CCDC85A: variants seen among roughly 807,000 people sequenced by gnomAD.
CCDC85A encodes coiled-coil domain containing 85A.
A neutral mutation model predicts 50.2 loss-of-function variants in CCDC85A; 38 were observed. The ratio of observed to expected loss-of-function variants is 0.76; its 90% confidence interval spans 0.58 to 0.99. The LOEUF (loss-of-function observed/expected upper bound fraction) is 0.99, where lower values mean the gene tolerates loss of function less well. CCDC85A is among the 50% of genes least tolerant of loss of function. The probability of loss-of-function intolerance (pLI) is 0.00; values close to 1 mark genes in which losing one functional copy is unlikely to be tolerated. For missense variants in CCDC85A, 820 were observed against 742.0 expected (o/e 1.11, Z -1.22); for synonymous variants, 366 against 301.4 (o/e 1.21, Z -2.22).
chr2:56,383,061 C>G (rs377309814), intron 5 of CCDC85A, among the ~76,000 whole-genome samples: 1 of 151,818 alleles, frequency 6.6e-6, no homozygotes, highest in African/African-American at 2.4e-5. Flanking sequence ...ATTTAAGAAC[C>G]CTAACTTCAA....
intron 3 of CCDC85A, among the ~76,000 whole-genome samples, chr2:56,365,990 A>G (rs1675772410): frequency 6.6e-6 from 1 of 152,082 alleles, no homozygotes; most frequent in Non-Finnish European, 1.5e-5. Context: ...GATTTCATAT[A>G]TGAGTACGAT....
chr2:56,291,596 A>ACT, intron 2 of CCDC85A, among the ~76,000 whole-genome samples: 1 of 152,170 alleles, frequency 6.6e-6, no homozygotes, highest in Non-Finnish European at 1.5e-5. Flanking sequence ...AGAGATCAGT[A>ACT]AGTACAAAGA....
At chr2:56,249,394 G>T (rs184064097) in intron 2 of CCDC85A, among the ~76,000 whole-genome samples, 1 of 152,360 alleles carries the variant, frequency 6.6e-6, no homozygotes, top group East Asian at 1.9e-4. Context: ...TAGAAGGCAG[G>T]GAAGCTGGTT....
intron 2 of CCDC85A, among the ~76,000 whole-genome samples, chr2:56,226,944 G>T (rs749666571): frequency 5.9e-5 from 9 of 152,132 alleles, no homozygotes; most frequent in Non-Finnish European, 1.2e-4. Flanking sequence ...GATGCATCCT[G>T]AGTAATTTCA....
chr2:56,358,729 C>G (rs931428672), intron 3 of CCDC85A, among the ~76,000 whole-genome samples: 1 of 152,024 alleles, frequency 6.6e-6, no homozygotes, highest in Non-Finnish European at 1.5e-5. Context: ...CTGCTTTACA[C>G]TAAAATAATT....
At position 56,192,597 on chromosome 2, in the gene CCDC85A, A is replaced by T; in HGVS notation, c.397A>T (p.Thr133Ser). 1 of 1,613,896 alleles carries T rather than the reference A, an allele frequency of 6.2e-7. No individual in the cohort carries two copies. Among genetic ancestry groups the T allele is most frequent in the Non-Finnish European group, 8.5e-7 (1 of 1,179,856 alleles). The change falls in exon 2 of 6, where the codon ACT (threonine) becomes TCT (serine). Residue 133 changes from threonine (T) to serine (S), a missense_variant. Thr to Ser is a moderately conservative substitution (Grantham distance 58). Transcript: ENST00000407595. This position sits in a 1 kb window ranked among gnomAD's most constrained non-coding sequence, Gnocchi z 4.7. ...SREWQRLGRY[T>S]AGVMHKEVAL... The stretch of plus-strand genomic sequence containing the variant: ...GGAGTGGCAGAGACTGGGTCGCTAC[A>T]CTGCCGGGGTGATGCACAAGGAAGT...
chr2:56,311,991 T>A (rs1672714855), intron 2 of CCDC85A, among the ~76,000 whole-genome samples: 1 of 152,144 alleles, frequency 6.6e-6, no homozygotes, highest in Non-Finnish European at 1.5e-5. Flanking sequence ...GAAGCTCAGA[T>A]AAACTGGAGG....
intron 1 of CCDC85A, among the ~76,000 whole-genome samples, chr2:56,188,193 A>G (rs927716246): frequency 1.3e-5 from 2 of 152,226 alleles, no homozygotes; most frequent in African/African-American, 4.8e-5. Flanking sequence ...CCCAAGTCTT[A>G]GTGAGGCAGA....
intron 2 of CCDC85A, among the ~76,000 whole-genome samples, chr2:56,328,154 A>G (rs1481255976): frequency 6.6e-6 from 1 of 152,126 alleles, no homozygotes; most frequent in African/African-American, 2.4e-5. Context: ...TTGAAGAGCA[A>G]GGGGTCCCAG....
intron 2 of CCDC85A, among the ~76,000 whole-genome samples, chr2:56,297,765 G>A (rs542315163): frequency 6.6e-6 from 1 of 152,292 alleles, no homozygotes; most frequent in Admixed American, 6.5e-5. Context: ...TCGGGGACTT[G>A]GATATTGGTG....
At chr2:56,236,864 T>G (rs1669038843) in intron 2 of CCDC85A, among the ~76,000 whole-genome samples, 4 of 152,120 alleles carry the variant, frequency 2.6e-5, no homozygotes, top group Admixed American at 2.6e-4. Flanking sequence ...AATACCCAAA[T>G]GATGCTGAGT....
chr2:56,369,378 G>A (rs912794973), intron 3 of CCDC85A, among the ~76,000 whole-genome samples: 1 of 152,098 alleles, frequency 6.6e-6, no homozygotes. Flanking sequence ...TGCAGATGTA[G>A]TTGTTCAAAA....
intron 2 of CCDC85A, among the ~76,000 whole-genome samples, chr2:56,243,311 GCTT>G (rs1669347866): frequency 6.6e-6 from 1 of 151,970 alleles, no homozygotes; most frequent in African/African-American, 2.4e-5. Context: ...TTGTAGGAGT[GCTT>G]CATTTTTTTT....
chr2:56,252,969 A>G (rs1669831799), intron 2 of CCDC85A, among the ~76,000 whole-genome samples: 1 of 152,112 alleles, frequency 6.6e-6, no homozygotes, highest in Non-Finnish European at 1.5e-5. Context: ...CAGTAAGCCA[A>G]GATCGCGCCA....
intron 2 of CCDC85A, among the ~76,000 whole-genome samples, chr2:56,337,220 A>G (rs1674117871): frequency 1.3e-5 from 2 of 152,236 alleles, no homozygotes; most frequent in African/African-American, 4.8e-5. Flanking sequence ...ACTTTTACAC[A>G]TAGGTTCAAA....
chr2:56,185,986 A>G (rs6545556), intron 1 of CCDC85A, among the ~76,000 whole-genome samples: 149,196 of 152,208 alleles, frequency 0.98, 73,092 homozygotes, highest in East Asian at 1. Context: ...CACATATCAG[A>G]CAGTAGATGC....
intron 3 of CCDC85A, among the ~76,000 whole-genome samples, chr2:56,362,311 G>C (rs1675567671): frequency 6.6e-6 from 1 of 152,082 alleles, no homozygotes; most frequent in Non-Finnish European, 1.5e-5. Flanking sequence ...TTTGGACATA[G>C]TCAATTTGAG....
At chr2:56,305,348 T>C (rs575753777) in intron 2 of CCDC85A, among the ~76,000 whole-genome samples, 52 of 152,318 alleles carry the variant, frequency 3.4e-4, no homozygotes, top group Non-Finnish European at 5.3e-4. Flanking sequence ...ATTATCCCCA[T>C]TTTACTGATG....
At position 56,193,090 on chromosome 2, in the gene CCDC85A, A is replaced by C; in HGVS notation, c.890A>C (p.His297Pro). ...KGSPEQQRHPHPGSSPETLPK... is the reference protein window; with the variant it reads ...KGSPEQQRHPPPGSSPETLPK... ...AGCCCCGAACAGCAAAGGCACCCGC[A>C]TCCAGGGAGCAGCCCCGAAACGCTG... Residue 297 changes from histidine (H) to proline (P), a missense_variant, in exon 2 of 6, where the codon CAT (histidine) becomes CCT (proline). His to Pro is a moderately conservative substitution (Grantham distance 77). Transcript: ENST00000407595. 2 of 1,613,744 alleles carry C rather than the reference A, an allele frequency of 1.2e-6. No homozygotes were observed. Among genetic ancestry groups the C allele is most frequent in the Middle Eastern group, 3.3e-4 (2 of 6,060 alleles).
Sources: gnomAD v4.1 joint callset for allele counts (sites outside exome capture counted in the v4.1 genomes callset) on GRCh38, gnomAD v4.1.1 for gene constraint, Gnocchi (gnomAD v3.1) non-coding constraint, MANE v1.5 for transcripts, NCBI Gene and HGNC (gene_info 2026-07-23, HGNC 2026-07-21) for gene names.